The following DOCK6 variants were observed in gnomAD, a reference collection of about 807,000 sequenced individuals.
DOCK6 encodes dedicator of cytokinesis 6.
DOCK6 carries 167 observed loss-of-function variants against 230.3 expected under a neutral mutation model. That is an observed-to-expected ratio of 0.73 (90% CI 0.64 to 0.82). The LOEUF (loss-of-function observed/expected upper bound fraction) is 0.82, where lower values mean the gene tolerates loss of function less well. DOCK6 is among the 40% of genes least tolerant of loss of function. The pLI is 0.00. For synonymous variants in DOCK6, 1,148 were observed against 1,185.0 expected, an observed-to-expected ratio of 0.97 and a Z score of 0.64; for missense variants, 2,598 against 2,825.8, an observed-to-expected ratio of 0.92 and a Z score of 1.83.
chr19:11,201,919 C>G lies in DOCK6; in HGVS notation c.5658G>C (p.Lys1886Asn). ...CCCGGTGGCACACACGGATGCGAGT[C>G]TTGATGTAGGGGAAGGCGTGGTCGG... is the stretch of plus-strand genomic sequence containing the variant. Reference protein sequence around the residue: ...LSTDHAFPYIKTRIRVCHREE... With the variant: ...LSTDHAFPYINTRIRVCHREE... Residue 1886 changes from lysine to asparagine, a missense_variant, in exon 44 of 48, where the codon AAG (lysine) becomes AAC (asparagine). By Grantham distance (94) the Lys-to-Asn change is moderately conservative. Transcript: ENST00000294618. The surrounding 1 kb of genome is among the most constrained non-coding windows in gnomAD (Gnocchi z 4.3). 1.3e-6 allele frequency: 2 copies of G among 1,553,180 alleles called. No individual in the cohort carries two copies. Among genetic ancestry groups the G allele is most frequent in the Non-Finnish European group, 1.7e-6 (2 of 1,146,794 alleles).
chr19:11,241,666 C>T (rs1357020518), intron 14 of DOCK6: 1 of 1,581,628 alleles, frequency 6.3e-7, no homozygotes, highest in African/African-American at 1.3e-5. Flanking sequence ...CCAGACTCCA[C>T]ACAGCGGCGC....
intron 37 of DOCK6, among the ~76,000 whole-genome samples, chr19:11,210,110 C>T (rs900190257): frequency 3.4e-5 from 5 of 146,382 alleles, no homozygotes; most frequent in Non-Finnish European, 7.5e-5. Flanking sequence ...CTGTCCACCT[C>T]TCACCTGTCT....
intron 14 of DOCK6, chr19:11,238,661 G>T: frequency 4.1e-6 from 1 of 242,758 alleles, no homozygotes; most frequent in Non-Finnish European, 8.4e-6. Context: ...GTGGCCAGTG[G>T]TCAAGCCTAA....
chr19:11,205,300 C>T (rs2079239997), intron 39 of DOCK6, among the ~76,000 whole-genome samples: 1 of 152,120 alleles, frequency 6.6e-6, no homozygotes, highest in Non-Finnish European at 1.5e-5. Flanking sequence ...TGGTTTGCTG[C>T]ACCCATCAAC....
chr19:11,223,159 G>A, intron 24 of DOCK6, 53 bp from the exon 25 acceptor site: 1 of 1,555,560 alleles, frequency 6.4e-7, no homozygotes, highest in South Asian at 1.1e-5. Flanking sequence ...GCCCCGACAG[G>A]GGCTTGGCTC....
Position 11,227,323 on chromosome 19 carries a change from C to T in DOCK6, c.2955+14G>A, listed in dbSNP as rs2079681268. On this transcript the variant is annotated intron_variant, in intron 24 of 47. Transcript: ENST00000294618. Reference sequence around the variant, plus strand: ...CTCAGGTTTCTTCCCACATTGAGACCCTGCATCTCTCACCTTGTGGACACG... The same window carrying T: ...CTCAGGTTTCTTCCCACATTGAGACTCTGCATCTCTCACCTTGTGGACACG... 2.5e-6 allele frequency: 4 copies of T among 1,612,674 alleles called. No homozygotes were observed. The highest frequency in any genetic ancestry group is 1.7e-4 in the Middle Eastern group (1 of 6,060).
Position 11,232,172 on chromosome 19 carries a change from G to A in DOCK6, c.2718+1031C>T. The A allele has an allele frequency of 3.1e-6, 4 of 1,288,042 alleles. 1 individual carries two copies. The highest frequency in any genetic ancestry group is 4.3e-4 in the Middle Eastern group (2 of 4,660). The allele number at this position is 1,288,042 out of a possible 1,614,324, so 79.8% of individuals were successfully genotyped here. A position where few individuals can be genotyped will look rare whatever the true frequency, so the allele number is the denominator to read the frequency against. On this transcript the variant is annotated intron_variant, in intron 22 of 47. Coordinates refer to ENST00000294618, the MANE Select transcript of DOCK6 (RefSeq NM_020812.4). ...TGGTGTCACATGAGTGCAGGGACAG[G>A]TAGGAAGGGCACCTGTCTGGGGTCG...
chr19:11,245,960 G>A (rs770528515), intron 7 of DOCK6, 82 bp from the exon 8 acceptor site: 8 of 1,495,642 alleles, frequency 5.3e-6, no homozygotes, highest in Non-Finnish European at 7.3e-6. Flanking sequence ...GGCCCAAGGT[G>A]GGGGGCATCT....
At chr19:11,247,179 C>G (rs2080048002) in intron 7 of DOCK6, 3 of 152,090 alleles carry the variant, frequency 2.0e-5, no homozygotes, top group Non-Finnish European at 2.9e-5. Context: ...AACCTCTGCC[C>G]TCCGGGTCAA....
chr19:11,252,675 T>C lies in DOCK6; in HGVS notation c.308+108A>G. 5.0e-6 allele frequency: 8 copies of C among 1,597,510 alleles called. 1 individual carries two copies. In the South Asian group the frequency reaches 6.6e-5, roughly 13 times the overall value. Reference sequence around the variant, plus strand: ...GAGATGGAGGCTCAGAGAAAAAGCATGGCTTGTCCAACGTCACGGCCAAGC... The same window carrying C: ...GAGATGGAGGCTCAGAGAAAAAGCACGGCTTGTCCAACGTCACGGCCAAGC... On this transcript the variant is annotated intron_variant, in intron 3 of 47. Transcript: ENST00000294618.
At position 11,241,933 on chromosome 19, in the gene DOCK6, G is replaced by A. The variant is rs111237940; in HGVS notation, c.1643+112C>T. 86 of 1,387,528 alleles carry A rather than the reference G, an allele frequency of 6.2e-5. No individual in the cohort carries two copies. In the African/African-American group the frequency reaches 6.2e-4, roughly 10 times the overall value. 86.0% of individuals were successfully genotyped at this position (1,387,528 alleles called of 1,614,324 possible). On this transcript the variant is annotated intron_variant, in intron 14 of 47. Coordinates refer to ENST00000294618, the MANE Select transcript of DOCK6 (RefSeq NM_020812.4). Reference sequence around the variant, plus strand: ...ACACACCCCTCATTAAAGCAGAGTCGTGGCATCTCACCCAGGGTGTCTGTG... The same window carrying A: ...ACACACCCCTCATTAAAGCAGAGTCATGGCATCTCACCCAGGGTGTCTGTG...
chr19:11,254,861 C>T (rs1308638951), intron 1 of DOCK6, among the ~76,000 whole-genome samples: 1 of 152,100 alleles, frequency 6.6e-6, no homozygotes, highest in Non-Finnish European at 1.5e-5. Context: ...AGAGGGTGCC[C>T]AGCAGGGGGC....
chr19:11,240,359 C>A, intron 14 of DOCK6: 1 of 1,450,654 alleles, frequency 6.9e-7, no homozygotes. Context: ...CTCGCTTCTG[C>A]ACCTTGAGTC....
rs752359216 is a variant in DOCK6 at position 11,237,582 on chromosome 19, C to G, written c.1972-25G>C. ...ACTGGGGAGAGGCTGGAGGTCAGGT[C>G]TGCGGCCAGGTTGGGGGACGAGGAG... On this transcript the variant is annotated intron_variant, in intron 17 of 47. Coordinates refer to ENST00000294618, the MANE Select transcript of DOCK6 (RefSeq NM_020812.4). The G allele has an allele frequency of 8.2e-6, 11 of 1,340,964 alleles. No homozygotes were observed. The South Asian group carries it at 1.3e-4, about 15-fold the overall frequency. The allele number at this position is 1,340,964 out of a possible 1,614,324, so 83.1% of individuals were successfully genotyped here.
Position 11,245,646 on chromosome 19 carries a change from T to A in DOCK6, c.940A>T (p.Thr314Ser). ...SMKGLLRAHG[T>S]HPAISTLARS... is the part of the protein sequence containing the mutation. ...GCCAGGGTGGAGATGGCAGGGTGGG[T>A]GCCATGAGCCCGAAGCAGCCCCTTC... The change falls in exon 9 of 48, where the codon ACC becomes TCC. Residue 314 changes from threonine to serine, a missense_variant. Transcript: ENST00000294618. 1 of 1,606,508 alleles carries A rather than the reference T, an allele frequency of 6.2e-7. No individual in the cohort carries two copies. Among genetic ancestry groups the A allele is most frequent in the Non-Finnish European group, 8.5e-7 (1 of 1,176,820 alleles).
Position 11,213,183 on chromosome 19 carries a change from A to G in DOCK6, c.4484T>C (p.Ile1495Thr), listed in dbSNP as rs1232727030. 1.2e-6 allele frequency: 2 copies of G among 1,611,650 alleles called. No individual in the cohort carries two copies. Among genetic ancestry groups the G allele is most frequent in the African/African-American group, 2.7e-5 (2 of 74,872 alleles). ...CTCCTAGCCCCCACTCACGTGGCCG[A>G]TCTCGAAGTTCTGTCGCATGAGCAG... ...LYLLMRQNFE[I>T]GHNFARVKMQ... Residue 1495 changes from isoleucine (I) to threonine (T), a missense_variant, in exon 35 of 48, where the codon ATC becomes ACC. By Grantham distance (89) the Ile-to-Thr change is moderately conservative. Transcript: ENST00000294618.
intron 4 of DOCK6, 98 bp downstream of exon 4, chr19:11,252,384 C>T: frequency 1.3e-6 from 2 of 1,585,744 alleles, no homozygotes; most frequent in South Asian, 2.2e-5. Context: ...CCTGCTCTTG[C>T]AGGGACAATG....
At chr19:11,239,714 G>A (rs987310947) in intron 14 of DOCK6, 12 of 1,613,440 alleles carry the variant, frequency 7.4e-6, no homozygotes, top group African/African-American at 5.3e-5. Context: ...CCCATGGGCG[G>A]CCCAGAACTG....
chr19:11,237,968 G>T, intron 16 of DOCK6, 77 bp downstream of exon 16: 1 of 1,521,010 alleles, frequency 6.6e-7, no homozygotes, highest in Non-Finnish European at 9.0e-7. Flanking sequence ...CATCGATGCT[G>T]CCTTATGTGT....
Sources: allele counts gnomAD v4.1 joint callset (sites outside exome capture counted in the v4.1 genomes callset), GRCh38; gene constraint gnomAD v4.1.1; non-coding constraint Gnocchi (gnomAD v3.1); transcripts MANE v1.5; gene names NCBI Gene and HGNC (gene_info 2026-07-23, HGNC 2026-07-21).